The following ASMTL variants were observed in gnomAD, a reference collection of about 807,000 sequenced individuals.
The protein encoded by ASMTL is acetylserotonin O-methyltransferase like, also known as probable bifunctional dTTP/UTP pyrophosphatase/methyltransferase protein.
A neutral mutation model predicts 60.3 loss-of-function variants in ASMTL; 57 were observed. The ratio of observed to expected loss-of-function variants is 0.95; its 90% CI spans 0.76 to 1.18. The LOEUF (loss-of-function observed/expected upper bound fraction) is 1.18. Ranked by LOEUF, ASMTL falls within the 50% of genes most tolerant of loss-of-function variation. The probability of loss-of-function intolerance (pLI) is 0.00; values close to 1 mark genes in which losing one functional copy is unlikely to be tolerated. For missense variants in ASMTL, 981 were observed against 852.6 expected, an observed-to-expected ratio of 1.15 and a Z score of -1.88; for synonymous variants, 419 against 373.0, an observed-to-expected ratio of 1.12 and a Z score of -1.42.
At chrX:1,431,602 C>G (rs1307296563) in intron 6 of ASMTL, among the ~76,000 whole-genome samples, 39 of 140,314 alleles carry the variant, frequency 2.8e-4, no homozygotes, top group Non-Finnish European at 3.8e-4. Context: ...ACAGTATAAT[C>G]TATTATAGTA....
intron 7 of ASMTL, among the ~76,000 whole-genome samples, chrX:1,426,940 G>GCA (rs2090629459): frequency 4.6e-5 from 7 of 151,916 alleles, no homozygotes; most frequent in South Asian, 2.1e-4. Flanking sequence ...CCGAGATCAT[G>GCA]CCACTGCACT....
In ASMTL at chrX:1,418,561, C is replaced by T. The variant is rs76745116; in HGVS notation, c.1378+421G>A. Among the ~76,000 whole-genome samples, 1,244 of 152,146 alleles carry T rather than the reference C, an allele frequency of 8.2e-3. 7 individuals carry two copies. Among genetic ancestry groups the T allele is most frequent in the Non-Finnish European group, 0.013 (852 of 68,004 alleles). On this transcript the variant is annotated intron_variant, in intron 10 of 12. Transcript: ENST00000381317. Reference sequence around the variant, plus strand: ...CACTCTGGACCACAAGGAGGAGAGGCATTCAGAGGTTGGGGAAATGTAAGC... The same window carrying T: ...CACTCTGGACCACAAGGAGGAGAGGTATTCAGAGGTTGGGGAAATGTAAGC...
chrX:1,422,164 G>A (rs1295546654), intron 8 of ASMTL, among the ~76,000 whole-genome samples: 1 of 152,168 alleles, frequency 6.6e-6, no homozygotes, highest in African/African-American at 2.4e-5. Context: ...CAAGTTCCCA[G>A]TTATGCAGGC....
At chrX:1,440,098 T>C (rs1274465807) in intron 2 of ASMTL, among the ~76,000 whole-genome samples, 2 of 151,022 alleles carry the variant, frequency 1.3e-5, no homozygotes, top group African/African-American at 4.9e-5. Context: ...TCTTTTTTTT[T>C]TTTTTTGAGA....
intron 6 of ASMTL, chrX:1,431,894 T>C: frequency 4.1e-6 from 1 of 246,630 alleles, no homozygotes; most frequent in Non-Finnish European, 7.9e-6. Flanking sequence ...TAGAATCACC[T>C]CTTAGGGTGA....
At chrX:1,438,210 G>C (rs1167042230) in intron 3 of ASMTL, among the ~76,000 whole-genome samples, 2 of 152,006 alleles carry the variant, frequency 1.3e-5, no homozygotes, top group African/African-American at 4.8e-5. Flanking sequence ...TTGAACCCGG[G>C]AGGCGGAGGT....
At chrX:1,421,329 C>T (rs1433951339) in intron 9 of ASMTL, among the ~76,000 whole-genome samples, 15 of 151,974 alleles carry the variant, frequency 9.9e-5, no homozygotes, top group Non-Finnish European at 1.6e-4. Context: ...CTCAAACTCC[C>T]GGGCTCAAAT....
chrX:1,417,148 TCACATATGCACACAACCACC>T (rs2090314818), intron 11 of ASMTL, among the ~76,000 whole-genome samples: 1 of 142,454 alleles, frequency 7.0e-6, no homozygotes, highest in Non-Finnish European at 1.5e-5. Context: ...ACCACAGCAG[TCACATATGCACACAACCACC>T]GGCCCACAGC....
At chrX:1,446,849 G>C (rs762914450) in intron 1 of ASMTL, among the ~76,000 whole-genome samples, 157 of 152,216 alleles carry the variant, frequency 1.0e-3, no homozygotes, top group African/African-American at 3.5e-3. Flanking sequence ...GAAAAATCGT[G>C]TTTGAAAAAC....
At chrX:1,410,484 T>C (rs1330735440) in intron 12 of ASMTL, among the ~76,000 whole-genome samples, 1 of 152,010 alleles carries the variant, frequency 6.6e-6, no homozygotes, top group South Asian at 2.1e-4. Context: ...GCGCGATCTC[T>C]GCTCACTGCA....
At chrX:1,404,645 G>C (rs1443791994) in intron 12 of ASMTL, among the ~76,000 whole-genome samples, 2 of 151,108 alleles carry the variant, frequency 1.3e-5, no homozygotes, top group Non-Finnish European at 2.9e-5. Context: ...ATGGATGCAT[G>C]GATGAGATGG....
At chrX:1,417,575 C>T (rs2090337546) in intron 11 of ASMTL, among the ~76,000 whole-genome samples, 1 of 16,368 alleles carries the variant, frequency 6.1e-5, no homozygotes, top group South Asian at 5.4e-3. Context: ...CATATGCACA[C>T]AGACACCCAC....
rs755851712 is a variant in ASMTL, at chrX:1,411,193, A to G, written c.1645+1539T>C. The stretch of plus-strand genomic sequence containing the variant: ...AGCGAGACTCCGTCTCAAAAAAAAA[A>G]AAGAAGAGAGATACACAGAGAAAGA... On this transcript the variant is annotated intron_variant, in intron 12 of 12. Transcript: ENST00000381317. 2.0e-5 allele frequency among the ~76,000 whole-genome samples: 3 copies of G among 146,530 alleles called. No homozygotes were observed. The East Asian group carries it at 6.2e-4, about 30-fold the overall frequency.
chrX:1,439,941 C>G (rs2091066647), intron 2 of ASMTL, among the ~76,000 whole-genome samples: 1 of 152,002 alleles, frequency 6.6e-6, no homozygotes, highest in African/African-American at 2.4e-5. Context: ...GAGCAACAGG[C>G]AGTCACAGGA....
At chrX:1,423,281 T>C (rs1163559210) in intron 8 of ASMTL, among the ~76,000 whole-genome samples, 2 of 152,108 alleles carry the variant, frequency 1.3e-5, no homozygotes, top group African/African-American at 4.8e-5. Context: ...CCTGAACTGC[T>C]CTGGCTGGGG....
chrX:1,446,689 C>T (rs192870490), intron 1 of ASMTL, among the ~76,000 whole-genome samples: 356 of 152,044 alleles, frequency 2.3e-3, no homozygotes, highest in African/African-American at 7.5e-3. Context: ...TTAGTAGAGA[C>T]GGGGTTTCAC....
chrX:1,417,829 C>T (rs1427836570), intron 11 of ASMTL, 144 bp downstream of exon 11: 22 of 1,038,206 alleles, frequency 2.1e-5, no homozygotes, highest in African/African-American at 1.3e-4. Flanking sequence ...ACACAAGCAC[C>T]GTAGACAGTC....
At position 1,416,341 on chromosome X, in the gene ASMTL, AG is replaced by A. The variant is rs1413500075; in HGVS notation, c.1522+1631del. ...TGGACACACACACACACGGACATAC[AG>A]ATACAGTGACAGGCACACACAGACG... On this transcript the variant is annotated intron_variant, in intron 11 of 12. Coordinates refer to ENST00000381317, the MANE Select transcript of ASMTL (RefSeq NM_004192.4). 2.8e-3 allele frequency among the ~76,000 whole-genome samples: 18 copies of A among 6,366 alleles called. 1 individual carries two copies. Among genetic ancestry groups the A allele is most frequent in the African/African-American group, 4.3e-3 (17 of 3,972 alleles). 4.2% of individuals were successfully genotyped at this position (6,366 alleles called of 152,430 possible).
At chrX:1,415,878 C>T (rs1448399462) in intron 11 of ASMTL, among the ~76,000 whole-genome samples, 4 of 151,594 alleles carry the variant, frequency 2.6e-5, no homozygotes, top group Non-Finnish European at 5.9e-5. Context: ...ATATACCCAT[C>T]CAGATGCACA....
Sources: gnomAD v4.1 joint callset for allele counts (sites outside exome capture counted in the v4.1 genomes callset) on GRCh38, gnomAD v4.1.1 for gene constraint, MANE v1.5 for transcripts, NCBI Gene and HGNC (gene_info 2026-07-23, HGNC 2026-07-21) for gene names.